EPHA6: variants seen among roughly 807,000 people sequenced by gnomAD.
EPHA6 encodes EPH receptor A6.
In EPHA6, 50 loss-of-function variants were observed where a neutral mutation model predicts 112.0. That is an observed-to-expected ratio of 0.45 (90% CI 0.36 to 0.56). The LOEUF is 0.56. Among genes scored for constraint, EPHA6 ranks in the 20% least tolerant of loss-of-function variants. The probability of loss-of-function intolerance (pLI) is 0.00; values close to 1 mark genes in which losing one functional copy is unlikely to be tolerated. For synonymous variants in EPHA6, 529 were observed against 490.7 expected (o/e 1.08, Z -1.03); for missense variants, 1,280 against 1,417.4 (o/e 0.90, Z 1.56).
intron 5 of EPHA6, among the ~76,000 whole-genome samples, chr3:97,375,996 G>T (rs1367574680): frequency 6.6e-6 from 1 of 152,106 alleles, no homozygotes; most frequent in Non-Finnish European, 1.5e-5. Flanking sequence ...AGTACAAGAT[G>T]ATTTCACAGA....
chr3:97,641,088 T>G (rs1055726253), intron 14 of EPHA6, among the ~76,000 whole-genome samples: 2 of 152,200 alleles, frequency 1.3e-5, no homozygotes, highest in African/African-American at 4.8e-5. Context: ...GAGATGCTGT[T>G]AATCAAGACA....
At position 97,292,512 on chromosome 3, in the gene EPHA6, G is replaced by A. The variant is rs982527412; in HGVS notation, c.1606+48225G>A. ...CAGGAGACCTGAGGCAGCTCCTTTC[G>A]GCAAGCAGGTCGTCCTGACGACGGT... is the stretch of plus-strand genomic sequence containing the variant. On this transcript the variant is annotated intron_variant, in intron 5 of 17. Coordinates refer to ENST00000389672, the MANE Select transcript of EPHA6 (RefSeq NM_001080448.3). Among the ~76,000 whole-genome samples, 29 of 152,190 alleles carry A rather than the reference G, an allele frequency of 1.9e-4. No individual in the cohort carries two copies. The East Asian group carries it at 2.3e-3, about 12-fold the overall frequency.
intron 3 of EPHA6, among the ~76,000 whole-genome samples, chr3:96,999,998 T>A (rs773608312): frequency 4.0e-5 from 6 of 151,890 alleles, no homozygotes; most frequent in Non-Finnish European, 8.8e-5. Flanking sequence ...AATTATTGAC[T>A]GAACCCATCT....
chr3:97,632,773 CTGAAGATA>C (rs2093914421), intron 13 of EPHA6, among the ~76,000 whole-genome samples: 1 of 152,038 alleles, frequency 6.6e-6, no homozygotes, highest in South Asian at 2.1e-4. Context: ...GGGTATGCAA[CTGAAGATA>C]TGAGCAAGGG....
At chr3:97,354,834 G>C (rs182499347) in intron 5 of EPHA6, among the ~76,000 whole-genome samples, 23 of 152,232 alleles carry the variant, frequency 1.5e-4, no homozygotes, top group Admixed American at 5.2e-4. Context: ...AAAGGTTGAG[G>C]ATAAAGAACA....
intron 5 of EPHA6, among the ~76,000 whole-genome samples, chr3:97,340,523 T>C (rs1208196389): frequency 1.3e-5 from 2 of 152,220 alleles, no homozygotes; most frequent in Non-Finnish European, 2.9e-5. Flanking sequence ...CATTTTCACA[T>C]AGCCAAGTCC....
At position 97,083,452 on chromosome 3, in the gene EPHA6, G is replaced by A. The variant is rs142934159; in HGVS notation, c.1114+95459G>A. Among the ~76,000 whole-genome samples, 854 of 152,008 alleles carry A rather than the reference G, an allele frequency of 5.6e-3. 7 individuals are homozygous for A. The highest frequency in any genetic ancestry group is 0.019 in the African/African-American group (799 of 41,538). ...CAGTCCTCTCTTTTTTATATCACAT[G>A]CTTATTGCACTCATTGTTTACACCA... On this transcript the variant is annotated intron_variant, in intron 3 of 17. Transcript: ENST00000389672.
At chr3:97,258,748 C>T (rs2079399499) in intron 5 of EPHA6, among the ~76,000 whole-genome samples, 1 of 152,066 alleles carries the variant, frequency 6.6e-6, no homozygotes. Flanking sequence ...TGTGTAAATT[C>T]AGTTAAGTTA....
intron 3 of EPHA6, among the ~76,000 whole-genome samples, chr3:97,083,545 C>T (rs1383296631): frequency 1.3e-5 from 2 of 151,910 alleles, no homozygotes; most frequent in African/African-American, 4.8e-5. Context: ...TCTATTTCCA[C>T]CTACCTTTCT....
At chr3:97,734,289 G>C (rs2035161715) in intron 15 of EPHA6, among the ~76,000 whole-genome samples, 1 of 151,960 alleles carries the variant, frequency 6.6e-6, no homozygotes, top group Non-Finnish European at 1.5e-5. Flanking sequence ...TTTTAAAATG[G>C]AATTCTATGC....
chr3:97,519,933 A>G (rs1160617283), intron 10 of EPHA6, among the ~76,000 whole-genome samples: 3 of 151,316 alleles, frequency 2.0e-5, no homozygotes, highest in Non-Finnish European at 4.4e-5. Flanking sequence ...GCAAAAAGAG[A>G]CAATCTGATT....
intron 2 of EPHA6, among the ~76,000 whole-genome samples, chr3:96,932,484 A>G (rs931603505): frequency 8.5e-5 from 13 of 152,390 alleles, no homozygotes; most frequent in African/African-American, 3.1e-4. Context: ...ATTATTTAAC[A>G]TATATTCACA....
chr3:97,185,705 A>G (rs541197215), intron 3 of EPHA6, among the ~76,000 whole-genome samples: 2 of 152,212 alleles, frequency 1.3e-5, no homozygotes, highest in South Asian at 4.1e-4. Flanking sequence ...CAGCCATCCC[A>G]TTACTGGGTA....
intron 11 of EPHA6, among the ~76,000 whole-genome samples, chr3:97,575,658 C>T (rs549752398): frequency 1.3e-5 from 2 of 152,212 alleles, no homozygotes; most frequent in South Asian, 2.1e-4. Context: ...TGATATAAAT[C>T]ATAAGTATTA....
intron 3 of EPHA6, among the ~76,000 whole-genome samples, chr3:97,037,675 G>T (rs1046163279): frequency 6.6e-6 from 1 of 151,862 alleles, no homozygotes; most frequent in Non-Finnish European, 1.5e-5. Context: ...AGAGGAGAGC[G>T]GATCATAAGA....
intron 13 of EPHA6, among the ~76,000 whole-genome samples, chr3:97,616,909 T>A (rs2107485562): frequency 6.6e-6 from 1 of 152,208 alleles, no homozygotes; most frequent in South Asian, 2.1e-4. Context: ...AGGCCAACAT[T>A]CAAATTCAGG....
intron 5 of EPHA6, among the ~76,000 whole-genome samples, chr3:97,246,280 G>T (rs2078984679): frequency 6.6e-6 from 1 of 151,794 alleles, no homozygotes; most frequent in Non-Finnish European, 1.5e-5. Context: ...TTTAATTTCT[G>T]TACAAAATCA....
At chr3:97,188,656 A>G (rs1157317522) in intron 3 of EPHA6, among the ~76,000 whole-genome samples, 1 of 150,994 alleles carries the variant, frequency 6.6e-6, no homozygotes, top group Admixed American at 6.6e-5. Flanking sequence ...TCTTAAATAA[A>G]GAATAAGTTA....
At chr3:97,483,078 C>T (rs2091601481) in intron 9 of EPHA6, among the ~76,000 whole-genome samples, 1 of 152,188 alleles carries the variant, frequency 6.6e-6, no homozygotes, top group Non-Finnish European at 1.5e-5. Flanking sequence ...CATAGCAAGA[C>T]TGCCATTTCT....
Sources: allele counts gnomAD v4.1 joint callset (sites outside exome capture counted in the v4.1 genomes callset), GRCh38; gene constraint gnomAD v4.1.1; transcripts MANE v1.5; gene names NCBI Gene and HGNC (gene_info 2026-07-23, HGNC 2026-07-21).